The following GLDC variants were observed in gnomAD, a reference collection of about 807,000 sequenced individuals.
The protein encoded by GLDC is glycine dehydrogenase (decarboxylating), mitochondrial.
A neutral mutation model predicts 121.3 loss-of-function variants in GLDC; 104 were observed. The observed-to-expected ratio is 0.86, with a 90% confidence interval of 0.73 to 1.01. The LOEUF is 1.01. Among genes scored for constraint, GLDC ranks in the 50% least tolerant of loss-of-function variants. The pLI, the probability that GLDC is intolerant of heterozygous loss-of-function variation, is 0.00. For synonymous variants in GLDC, 546 were observed against 480.6 expected, an observed-to-expected ratio of 1.14 and a Z score of -1.78; for missense variants, 1,429 against 1,306.6, an observed-to-expected ratio of 1.09 and a Z score of -1.44.
In GLDC at chr9:6,599,579, G is replaced by A. The variant is rs536807716; in HGVS notation, c.1155+2530C>T. On this transcript the variant is annotated intron_variant, in intron 8 of 24. Coordinates refer to ENST00000321612, the MANE Select transcript of GLDC (RefSeq NM_000170.3). ...CTACTAAAAATAGAAAAATTAGTTGGGCATGGTGGCAGGCGCCTGTAATCC... is the reference window on the plus strand; with the variant it reads ...CTACTAAAAATAGAAAAATTAGTTGAGCATGGTGGCAGGCGCCTGTAATCC... Among the ~76,000 whole-genome samples, 192 of 151,972 alleles carry A rather than the reference G, an allele frequency of 1.3e-3. 1 individual carries two copies. The highest frequency in any genetic ancestry group is 4.1e-3 in the African/African-American group (169 of 41,450).
At chr9:6,579,223 T>C (rs551552032) in intron 15 of GLDC, among the ~76,000 whole-genome samples, 2 of 152,304 alleles carry the variant, frequency 1.3e-5, no homozygotes, top group South Asian at 2.1e-4. Flanking sequence ...TTATTAATCC[T>C]TGTGACTATT....
intron 2 of GLDC, chr9:6,639,200 T>A (rs1427218787): frequency 1.2e-6 from 1 of 866,144 alleles, no homozygotes; most frequent in Non-Finnish European, 1.9e-6. Flanking sequence ...CCAAAGAGAA[T>A]GCTTTAAAGG....
In GLDC at chr9:6,605,054, G is replaced by C. The variant is rs562719635; in HGVS notation, c.861+77C>G. On this transcript the variant is annotated intron_variant, in intron 6 of 24. Transcript: ENST00000321612. ...GTAAAGAAATTAAGGCACATGAAAA[G>C]ACAGAGAGAGAGATAGGTAGACAGA... 4 of 1,337,206 alleles carry C rather than the reference G, an allele frequency of 3.0e-6. No individual in the cohort carries two copies. In the African/African-American group the frequency reaches 5.8e-5, roughly 19 times the overall value. The allele number at this position is 1,337,206 out of a possible 1,614,324, so 82.8% of individuals were successfully genotyped here.
chr9:6,537,555 C>T (rs1056177127), intron 22 of GLDC, among the ~76,000 whole-genome samples: 3 of 152,210 alleles, frequency 2.0e-5, no homozygotes, highest in Admixed American at 6.5e-5. Flanking sequence ...CCAAGGCCAG[C>T]GGATTGCTTA....
At chr9:6,552,468 C>G (rs1261562187) in intron 20 of GLDC, among the ~76,000 whole-genome samples, 1 of 152,178 alleles carries the variant, frequency 6.6e-6, no homozygotes, top group East Asian at 1.9e-4. Context: ...ACTTGAGTAT[C>G]ATTTTTAAAA....
At chr9:6,540,956 A>G (rs1202478565) in intron 21 of GLDC, 1 of 152,272 alleles carries the variant, frequency 6.6e-6, no homozygotes, top group African/African-American at 2.4e-5. Context: ...CAGGAGTTCC[A>G]GACCAGCCAG....
chr9:6,567,757 AC>A (rs1230531739), intron 15 of GLDC, among the ~76,000 whole-genome samples: 27 of 152,224 alleles, frequency 1.8e-4, no homozygotes, highest in African/African-American at 5.5e-4. Flanking sequence ...AATATCCTAT[AC>A]ATGTACTGGA....
Position 6,620,372 on chromosome 9 carries a change from C to G in GLDC, c.335-53G>C, listed in dbSNP as rs59213782. On this transcript the variant is annotated intron_variant, in intron 2 of 24. Transcript: ENST00000321612. ...CAGACAGATGTCTCAGAAAAGAGCTCTAATTACAGTTTAAATCCCTCATTT... is the reference window on the plus strand; with the variant it reads ...CAGACAGATGTCTCAGAAAAGAGCTGTAATTACAGTTTAAATCCCTCATTT... 2.9e-3 allele frequency: 4,254 copies of G among 1,470,372 alleles called. 100 individuals carry two copies. The African/African-American group carries it at 0.052, about 18-fold the overall frequency. 91.1% of individuals were successfully genotyped at this position (1,470,372 alleles called of 1,614,324 possible).
At chr9:6,552,936 C>CCG (rs386414382) in intron 20 of GLDC, among the ~76,000 whole-genome samples, 7 of 151,746 alleles carry the variant, frequency 4.6e-5, no homozygotes, top group Admixed American at 6.6e-5. Flanking sequence ...CTGGCCCCCC[C>CCG]CAAGAAATAT....
chr9:6,539,735 C>T (rs1471287125), intron 22 of GLDC, among the ~76,000 whole-genome samples: 2 of 152,184 alleles, frequency 1.3e-5, no homozygotes, highest in Admixed American at 1.3e-4. Flanking sequence ...TTGTCTCTAC[C>T]ACTTCGATGG....
At chr9:6,639,668 A>AAAAAAAT in intron 2 of GLDC, 1 of 248,642 alleles carries the variant, frequency 4.0e-6, no homozygotes, top group Non-Finnish European at 6.4e-6. Context: ...ATAAAAAAAA[A>AAAAAAAT]GTATATATAT....
intron 15 of GLDC, among the ~76,000 whole-genome samples, chr9:6,570,531 C>T (rs746102204): frequency 6.6e-6 from 1 of 152,024 alleles, no homozygotes; most frequent in Non-Finnish European, 1.5e-5. Context: ...AGCAGTGGAC[C>T]TATTTTACTT....
In GLDC at chr9:6,644,601, C is replaced by G. The variant is rs749620185; in HGVS notation, c.334+13G>C. ...AATAATCTAAGTCCAAGGGAGCCCT[C>G]CCGGCCACTTACAAACAGGGTCTTC... is the stretch of plus-strand genomic sequence containing the variant. On this transcript the variant is annotated intron_variant, in intron 2 of 24. Coordinates refer to ENST00000321612, the MANE Select transcript of GLDC (RefSeq NM_000170.3). The G allele has an allele frequency of 6.3e-7, 1 of 1,586,946 alleles. No homozygotes were observed. The highest frequency in any genetic ancestry group is 8.7e-7 in the Non-Finnish European group (1 of 1,155,378).
At chr9:6,568,300 G>T (rs1466080492) in intron 15 of GLDC, among the ~76,000 whole-genome samples, 1 of 152,176 alleles carries the variant, frequency 6.6e-6, no homozygotes, top group Non-Finnish European at 1.5e-5. Context: ...TACTACTGGG[G>T]CATTAGTAAA....
chr9:6,642,882 C>A (rs1819656077), intron 2 of GLDC, among the ~76,000 whole-genome samples: 1 of 150,946 alleles, frequency 6.6e-6, no homozygotes, highest in South Asian at 2.1e-4. Flanking sequence ...AATTAGGATT[C>A]TGATTTTTTC....
chr9:6,592,063 C>G, intron 11 of GLDC, 80 bp downstream of exon 11: 1 of 864,284 alleles, frequency 1.2e-6, no homozygotes, highest in Non-Finnish European at 2.0e-6. Context: ...GCCCCTTCTC[C>G]CTCACACTCA....
At chr9:6,593,189 G>C in intron 9 of GLDC, 199 bp from the exon 10 acceptor site, 1 of 580,070 alleles carries the variant, frequency 1.7e-6, no homozygotes, top group Non-Finnish European at 3.1e-6. Flanking sequence ...AAAAGAGTAA[G>C]GAAAATCAAC....
chr9:6,604,518 A>C, intron 7 of GLDC, 70 bp downstream of exon 7: 1 of 1,368,308 alleles, frequency 7.3e-7, no homozygotes. Context: ...ATAGAAATCA[A>C]CATTTGTGAT....
chr9:6,555,058 C>T (rs1385401718), intron 18 of GLDC: 1 of 498,206 alleles, frequency 2.0e-6, no homozygotes, highest in Non-Finnish European at 3.7e-6. Context: ...ACAGTCTCTT[C>T]CTAATTATCC....
Sources: gnomAD v4.1 joint callset for allele counts (sites outside exome capture counted in the v4.1 genomes callset) on GRCh38, gnomAD v4.1.1 for gene constraint, MANE v1.5 for transcripts, NCBI Gene and HGNC (gene_info 2026-07-23, HGNC 2026-07-21) for gene names.